TSEN2: variants seen among roughly 807,000 people sequenced by gnomAD.
TSEN2 encodes the protein tRNA-splicing endonuclease subunit Sen2.
Under a neutral mutation model 59.2 loss-of-function variants are expected in TSEN2, and 54 were observed. That is an observed-to-expected ratio of 0.91 (90% CI 0.73 to 1.14). The LOEUF is 1.14. Among genes scored for constraint, TSEN2 ranks in the 50% most tolerant of loss-of-function variants. The probability of loss-of-function intolerance (pLI) is 0.00; values close to 1 mark genes in which losing one functional copy is unlikely to be tolerated. For missense variants in TSEN2, 636 were observed against 576.2 expected (o/e 1.10, Z -1.06); for synonymous variants, 195 against 198.2 (o/e 0.98, Z 0.14).
chr3:12,528,768 T>A, intron 8 of TSEN2, 120 bp from the exon 9 acceptor site: 1 of 978,486 alleles, frequency 1.0e-6, no homozygotes, highest in Non-Finnish European at 1.6e-6. Context: ...ACATATAGAT[T>A]ATTGAGTATT....
chr3:12,493,332 A>G (rs1440882349), intron 3 of TSEN2, among the ~76,000 whole-genome samples: 1 of 152,214 alleles, frequency 6.6e-6, no homozygotes, highest in Admixed American at 6.5e-5. Flanking sequence ...CATTTTAAGA[A>G]CTAGCTAAAC....
rs1299278260 is a variant in TSEN2, at chr3:12,505,324, A to T, written c.909+93A>T. On this transcript the variant is annotated intron_variant, in intron 6 of 11. Transcript: ENST00000284995. The stretch of plus-strand genomic sequence containing the variant: ...TACCTCACAGTGTAGTTCTGTATGT[A>T]ATTCAATTATTGAATATTGTAATTC... The T allele has an allele frequency of 3.7e-6, 3 of 821,704 alleles. No individual in the cohort carries two copies. In the Admixed American group the frequency reaches 5.6e-5, roughly 15 times the overall value. 50.9% of individuals were successfully genotyped at this position (821,704 alleles called of 1,614,324 possible).
At chr3:12,529,461 G>A (rs1432500450) in intron 9 of TSEN2, among the ~76,000 whole-genome samples, 3 of 110,020 alleles carry the variant, frequency 2.7e-5, no homozygotes, top group African/African-American at 1.2e-4. Flanking sequence ...GCGAGACTCC[G>A]TCTCAAAAAA....
Position 12,503,314 on chromosome 3 carries a change from G to T in TSEN2, c.361G>T (p.Asp121Tyr). 1 of 1,614,200 alleles carries T rather than the reference G, an allele frequency of 6.2e-7. No homozygotes were observed. The highest frequency in any genetic ancestry group is 8.5e-7 in the Non-Finnish European group (1 of 1,180,054). Residue 121 changes from aspartate (D) to tyrosine (Y), a missense_variant, in exon 5 of 12, where the codon GAT (aspartate) becomes TAT (tyrosine). Coordinates refer to ENST00000284995, the MANE Select transcript of TSEN2 (RefSeq NM_025265.4). ...AAELMRRQGQ[D>Y]ESTVRRILKD... ...AGAGCTGATGCGTAGACAGGGGCAG[G>T]ATGAGAGTACAGTGCGCAGAATCCT... is the stretch of plus-strand genomic sequence containing the variant.
At chr3:12,491,952 C>T (rs949152901) in intron 2 of TSEN2, among the ~76,000 whole-genome samples, 184 bp from the exon 3 acceptor site, 3 of 152,136 alleles carry the variant, frequency 2.0e-5, no homozygotes, top group African/African-American at 7.2e-5. Flanking sequence ...GGAGGGCCTA[C>T]GTAGACTATA....
intron 10 of TSEN2, chr3:12,538,669 ACAAC>A (rs1437315855): frequency 1.3e-5 from 2 of 155,884 alleles, no homozygotes; most frequent in Non-Finnish European, 2.8e-5. Context: ...TTGGTCAAAA[ACAAC>A]CAAGTTCTGG....
At chr3:12,494,875 C>G (rs146704232) in intron 3 of TSEN2, among the ~76,000 whole-genome samples, 3,591 of 151,294 alleles carry the variant, frequency 0.024, 62 homozygotes, top group South Asian at 0.059. Flanking sequence ...CCTGTAATCC[C>G]AGCACTTTGG....
At chr3:12,512,496 C>T (rs1452313874) in intron 6 of TSEN2, among the ~76,000 whole-genome samples, 3 of 152,202 alleles carry the variant, frequency 2.0e-5, no homozygotes, top group African/African-American at 4.8e-5. Context: ...TTATTCTCTG[C>T]CTGGTAGCAG....
chr3:12,536,301 A>G (rs1471754209), downstream of TSEN2, among the ~76,000 whole-genome samples: 1 of 152,136 alleles, frequency 6.6e-6, no homozygotes, highest in Non-Finnish European at 1.5e-5. Context: ...TCCTGGTTCT[A>G]GGAGTAATTC....
intron 2 of TSEN2, 127 bp downstream of exon 2, chr3:12,490,116 G>A: frequency 5.2e-6 from 5 of 970,140 alleles, no homozygotes; most frequent in Non-Finnish European, 3.3e-6. Context: ...CTTGCGGTTT[G>A]GTCCAGTTGT....
intron 10 of TSEN2, 76 bp from the exon 11 acceptor site, chr3:12,531,491 ACCT>A: frequency 1.1e-6 from 1 of 877,438 alleles, no homozygotes. Flanking sequence ...ACTGGAGACC[ACCT>A]GCATTTCCTG....
At chr3:12,532,266 A>G (rs2057509975) in intron 11 of TSEN2, among the ~76,000 whole-genome samples, 1 of 152,040 alleles carries the variant, frequency 6.6e-6, no homozygotes, top group South Asian at 2.1e-4. Flanking sequence ...GGTCCCACTT[A>G]TCTCCACTAG....
intron 4 of TSEN2, 94 bp downstream of exon 4, chr3:12,496,648 C>A: frequency 7.9e-7 from 1 of 1,258,338 alleles, no homozygotes; most frequent in Non-Finnish European, 1.2e-6. Context: ...CAGTCCACAC[C>A]TTTTTTTCTT....
chr3:12,485,515 G>A (rs915824534), intron 1 of TSEN2, among the ~76,000 whole-genome samples: 5 of 152,156 alleles, frequency 3.3e-5, no homozygotes, highest in African/African-American at 7.2e-5. Flanking sequence ...TTTACCTCCG[G>A]GGGCTACTGG....
At chr3:12,516,443 TATATGTG>T (rs752391036) in intron 6 of TSEN2, among the ~76,000 whole-genome samples, 161 bp from the exon 7 acceptor site, 1 of 27,166 alleles carries the variant, frequency 3.7e-5, no homozygotes, top group Non-Finnish European at 7.1e-5. Flanking sequence ...ACAAACAAAA[TATATGTG>T]TGTGTGTGTG....
downstream of TSEN2, among the ~76,000 whole-genome samples, chr3:12,534,264 GA>G (rs2125271655): frequency 6.6e-6 from 1 of 152,268 alleles, no homozygotes; most frequent in South Asian, 2.1e-4. Flanking sequence ...AACAGTGTCA[GA>G]AAGATTCCAT....
chr3:12,532,924 T>G lies in TSEN2; in HGVS notation c.*203T>G. The G allele has an allele frequency of 1.6e-6, 1 of 614,478 alleles. No individual in the cohort carries two copies. 38.1% of individuals were successfully genotyped at this position (614,478 alleles called of 1,614,324 possible). A position where few individuals can be genotyped will look rare whatever the true frequency, so the allele number is the denominator to read the frequency against. ...GTGCTAGGACTGCAGATTCTATACT[T>G]GCGTTGGCCTCTAACTCTCCAATCC... On this transcript the variant is annotated 3_prime_UTR_variant, in exon 12 of 12. Transcript: ENST00000284995.
At chr3:12,536,258 T>G (rs1425023545), downstream of TSEN2, among the ~76,000 whole-genome samples, 2 of 152,172 alleles carry the variant, frequency 1.3e-5, no homozygotes, top group Admixed American at 6.5e-5. Context: ...TGTGGGGTTT[T>G]GTTTTGTTTT....
chr3:12,499,235 A>G (rs968822854), intron 4 of TSEN2, among the ~76,000 whole-genome samples: 2 of 152,342 alleles, frequency 1.3e-5, no homozygotes, highest in Non-Finnish European at 2.9e-5. Context: ...GAACTGACAC[A>G]AGTAGGGGTA....
Sources: allele counts gnomAD v4.1 joint callset (sites outside exome capture counted in the v4.1 genomes callset), GRCh38; gene constraint gnomAD v4.1.1; transcripts MANE v1.5; gene names NCBI Gene and HGNC (gene_info 2026-07-23, HGNC 2026-07-21).